Variants in MAK observed in about 807,000 individuals in gnomAD.
The protein encoded by MAK is male germ cell associated kinase, also known as serine/threonine-protein kinase MAK.
Under a neutral mutation model 82.6 loss-of-function variants are expected in MAK, and 65 were observed. That is an observed-to-expected ratio of 0.79 (90% confidence interval 0.64 to 0.97). The LOEUF (loss-of-function observed/expected upper bound fraction) is 0.97. Among genes scored for constraint, MAK ranks in the 50% least tolerant of loss-of-function variants. MAK has a pLI of 0.00. For synonymous variants in MAK, 250 were observed against 274.2 expected, an observed-to-expected ratio of 0.91 and a Z score of 0.87; for missense variants, 703 against 780.2, an observed-to-expected ratio of 0.90 and a Z score of 1.18.
intron 12 of MAK, among the ~76,000 whole-genome samples, chr6:10,774,240 A>G (rs2127517489): frequency 1.5e-5 from 1 of 67,766 alleles, no homozygotes; most frequent in South Asian, 5.2e-4. Context: ...GGATATTAAC[A>G]TACTGTACAA....
At chr6:10,821,036 C>A (rs1012112882) in intron 2 of MAK, among the ~76,000 whole-genome samples, 1 of 152,052 alleles carries the variant, frequency 6.6e-6, no homozygotes, top group South Asian at 2.1e-4. Flanking sequence ...GTAGCCTTGA[C>A]CTCCTGGGCT....
chr6:10,792,787 T>C (rs1775195398), intron 9 of MAK, among the ~76,000 whole-genome samples: 1 of 152,162 alleles, frequency 6.6e-6, no homozygotes, highest in South Asian at 2.1e-4. Flanking sequence ...GTGATAGTGA[T>C]GGATGATAAC....
At chr6:10,797,241 A>T (rs1351210425) in intron 8 of MAK, among the ~76,000 whole-genome samples, 1 of 152,190 alleles carries the variant, frequency 6.6e-6, no homozygotes, top group African/African-American at 2.4e-5. Flanking sequence ...ATGAAAAATG[A>T]TCACTGTTTG....
At chr6:10,784,103 AG>A (rs1201927824) in intron 11 of MAK, among the ~76,000 whole-genome samples, 1 of 152,044 alleles carries the variant, frequency 6.6e-6, no homozygotes, top group East Asian at 1.9e-4. Flanking sequence ...TTTTATAAAA[AG>A]TTGTAATGGG....
At chr6:10,822,967 A>G (rs987868163) in intron 2 of MAK, among the ~76,000 whole-genome samples, 2 of 152,232 alleles carry the variant, frequency 1.3e-5, no homozygotes, top group Admixed American at 1.3e-4. Context: ...GGAAACATTC[A>G]AAGAAACCTC....
At chr6:10,833,628 A>AATG (rs1455031746) in intron 1 of MAK, among the ~76,000 whole-genome samples, 1 of 151,322 alleles carries the variant, frequency 6.6e-6, no homozygotes, top group African/African-American at 2.4e-5. Context: ...TAATAATAAT[A>AATG]ATAATAATAA....
intron 11 of MAK, among the ~76,000 whole-genome samples, chr6:10,778,095 G>A (rs1290878113): frequency 6.6e-6 from 1 of 152,184 alleles, no homozygotes; most frequent in African/African-American, 2.4e-5. Context: ...AATGATAGAT[G>A]TCATTACATG....
intron 4 of MAK, among the ~76,000 whole-genome samples, chr6:10,815,632 G>GA (rs1020580706): frequency 1.3e-5 from 2 of 151,382 alleles, no homozygotes; most frequent in Non-Finnish European, 2.9e-5. Context: ...CCCTGTCTCT[G>GA]AAAAAAAAGA....
chr6:10,813,473 G>C (rs1777223000), intron 5 of MAK, among the ~76,000 whole-genome samples, 171 bp downstream of exon 5: 1 of 151,576 alleles, frequency 6.6e-6, no homozygotes, highest in Non-Finnish European at 1.5e-5. Context: ...ATTTTATACA[G>C]AATCACAGAA....
Position 10,817,873 on chromosome 6 carries a change from G to A in MAK, c.255C>T (p.Asn85=). The change falls in exon 4 of 15, where the codon AAC becomes AAT. Residue 85 remains asparagine, a synonymous_variant. Coordinates refer to ENST00000354489, the MANE Select transcript of MAK (RefSeq NM_001242957.3). Reference sequence around the variant, plus strand: ...ACCTGTCTTTCATTAATTGATAGAGGTTTTCTTTCATATATTCAAATATAA... The same window carrying A: ...ACCTGTCTTTCATTAATTGATAGAGATTTTCTTTCATATATTCAAATATAA... ...LYFIFEYMKE[N]LYQLMKDRNK... 1.4e-6 allele frequency: 2 copies of A among 1,467,458 alleles called. No homozygotes were observed. The highest frequency in any genetic ancestry group is 2.8e-5 in the African/African-American group (2 of 72,074). 90.9% of individuals were successfully genotyped at this position (1,467,458 alleles called of 1,614,324 possible).
chr6:10,784,627 C>T (rs567741002), intron 10 of MAK, 55 bp from the exon 11 acceptor site: 22 of 1,470,958 alleles, frequency 1.5e-5, no homozygotes, highest in South Asian at 5.6e-5. Context: ...GGATCTCGCC[C>T]ACCCTCTGCA....
At chr6:10,773,931 C>A (rs763072615) in intron 12 of MAK, among the ~76,000 whole-genome samples, 1 of 151,884 alleles carries the variant, frequency 6.6e-6, no homozygotes, top group Non-Finnish European at 1.5e-5. Flanking sequence ...GAACTCCGGA[C>A]CTTGTGATTC....
intron 6 of MAK, among the ~76,000 whole-genome samples, chr6:10,808,352 C>T (rs879228399): frequency 3.3e-5 from 5 of 152,146 alleles, no homozygotes; most frequent in Admixed American, 2.6e-4. Flanking sequence ...GGTGAGTATA[C>T]GATGCTACTG....
chr6:10,782,081 C>T (rs942927774), intron 11 of MAK, among the ~76,000 whole-genome samples: 4 of 151,896 alleles, frequency 2.6e-5, no homozygotes, highest in African/African-American at 9.7e-5. Flanking sequence ...GTGGTGAGCG[C>T]CTGTAATTCC....
At chr6:10,804,404 G>C (rs555331826) in intron 6 of MAK, among the ~76,000 whole-genome samples, 1 of 152,076 alleles carries the variant, frequency 6.6e-6, no homozygotes, top group East Asian at 1.9e-4. Context: ...GTGCAATGGC[G>C]CGGTCCCGGC....
intron 2 of MAK, among the ~76,000 whole-genome samples, chr6:10,822,071 C>T (rs528080898): frequency 4.4e-4 from 60 of 137,190 alleles, no homozygotes; most frequent in African/African-American, 9.3e-4. Flanking sequence ...GGCGTGAACT[C>T]GGGAGGCAGA....
At position 10,802,022 on chromosome 6, in the gene MAK, A is replaced by G. The variant is rs1341350247; in HGVS notation, c.701T>C (p.Met234Thr). 1.2e-6 allele frequency: 2 copies of G among 1,614,210 alleles called. No individual in the cohort carries two copies. Among genetic ancestry groups the G allele is most frequent in the Non-Finnish European group, 1.7e-6 (2 of 1,180,030 alleles). ...AACACACTGGGGAAAACGGAAGTTCATAGAGGATGCCAGCTGGTATCCTTC... is the reference window on the plus strand; with the variant it reads ...AACACACTGGGGAAAACGGAAGTTCGTAGAGGATGCCAGCTGGTATCCTTC... ...WPEGYQLASS[M>T]NFRFPQCVPI... The change falls in exon 8 of 15, where the codon ATG becomes ACG. Residue 234 changes from methionine to threonine, a missense_variant. Met to Thr is a moderately conservative substitution (Grantham distance 81). Transcript: ENST00000354489.
intron 11 of MAK, among the ~76,000 whole-genome samples, chr6:10,777,303 T>C (rs1773543919): frequency 1.3e-5 from 2 of 151,994 alleles, no homozygotes; most frequent in Admixed American, 1.3e-4. Context: ...TTCCAGCTAC[T>C]TGGGAGGCTG....
chr6:10,802,794 AATTAC>A (rs1776120761), intron 7 of MAK, among the ~76,000 whole-genome samples: 1 of 152,226 alleles, frequency 6.6e-6, no homozygotes, highest in African/African-American at 2.4e-5. Flanking sequence ...GGGAAATGAC[AATTAC>A]ATTAAAGCTT....
Sources: allele counts gnomAD v4.1 joint callset (sites outside exome capture counted in the v4.1 genomes callset), GRCh38; gene constraint gnomAD v4.1.1; transcripts MANE v1.5; gene names NCBI Gene and HGNC (gene_info 2026-07-23, HGNC 2026-07-21).